GDAP1: variants seen among roughly 807,000 people sequenced by gnomAD.
GDAP1 encodes the protein ganglioside-induced differentiation-associated protein 1.
Under a neutral mutation model 40.1 loss-of-function variants are expected in GDAP1, and 34 were observed. The ratio of observed to expected loss-of-function variants is 0.85; its 90% CI spans 0.64 to 1.13. The LOEUF (loss-of-function observed/expected upper bound fraction) is 1.13, where lower values mean the gene tolerates loss of function less well. Among genes scored for constraint, GDAP1 ranks in the 50% most tolerant of loss-of-function variants. The probability of loss-of-function intolerance (pLI) is 0.00; values close to 1 mark genes in which losing one functional copy is unlikely to be tolerated. For synonymous variants in GDAP1, 170 were observed against 157.4 expected (o/e 1.08, Z -0.60); for missense variants, 374 against 433.7 (o/e 0.86, Z 1.22).
chr8:74,471,733 AC>A (rs1294950068), intron 2 of GDAP1, among the ~76,000 whole-genome samples: 4 of 152,098 alleles, frequency 2.6e-5, no homozygotes, highest in African/African-American at 9.7e-5. Context: ...CGGTCAGTTT[AC>A]ACTTTCTAGA....
chr8:74,482,919 G>A (rs1381827795), intron 2 of GDAP1, among the ~76,000 whole-genome samples: 1 of 152,214 alleles, frequency 6.6e-6, no homozygotes, highest in Non-Finnish European at 1.5e-5. Flanking sequence ...AGGCAGTACA[G>A]TGTAGGAGTT....
At position 74,385,998 on chromosome 8, in the gene GDAP1, G is replaced by T. The variant is rs147150849; in HGVS notation, c.165+34677G>T. ...GCATAAATGCCTTCTTTTGAGATCT[G>T]TCTGTTTCATATCCTTCACCCACTT... On this transcript the variant is annotated intron_variant, in intron 2 of 2. Coordinates refer to the GDAP1 transcript ENST00000523640. Among the ~76,000 whole-genome samples the T allele has an allele frequency of 5.9e-5, 9 of 152,218 alleles. No individual in the cohort carries two copies. The East Asian group carries it at 1.7e-3, about 29-fold the overall frequency.
intron 2 of GDAP1, among the ~76,000 whole-genome samples, chr8:74,379,686 C>T (rs924977912): frequency 6.6e-6 from 1 of 152,200 alleles, no homozygotes; most frequent in Admixed American, 6.5e-5. Context: ...TGCATCTTAA[C>T]ATAGCAGGGA....
At chr8:74,442,728 A>G (rs1420990848) in intron 2 of GDAP1, among the ~76,000 whole-genome samples, 1 of 152,210 alleles carries the variant, frequency 6.6e-6, no homozygotes, top group Non-Finnish European at 1.5e-5. Flanking sequence ...AAATGTAAAG[A>G]CTGAATATAT....
rs74419605 is a variant in GDAP1, at chr8:74,419,352, G to A, written c.165+68031G>A. Among the ~76,000 whole-genome samples, 840 of 152,280 alleles carry A rather than the reference G, an allele frequency of 5.5e-3. 9 individuals are homozygous for A. Among genetic ancestry groups the A allele is most frequent in the African/African-American group, 0.019 (781 of 41,568 alleles). On this transcript the variant is annotated intron_variant, in intron 2 of 2. Coordinates refer to the GDAP1 transcript ENST00000523640. Reference sequence around the variant, plus strand: ...ATAGTTCTGAACAATGAAAAAGAATGTCCTATTGATACATGCAACAACTTG... The same window carrying A: ...ATAGTTCTGAACAATGAAAAAGAATATCCTATTGATACATGCAACAACTTG...
At chr8:74,362,013 T>A in intron 4 of GDAP1, 35 bp downstream of exon 4, 1 of 1,024,966 alleles carries the variant, frequency 9.8e-7, no homozygotes. Flanking sequence ...TGACATACAC[T>A]GCACGGAGTA....
intron 2 of GDAP1, among the ~76,000 whole-genome samples, chr8:74,448,967 C>G (rs1806265403): frequency 6.6e-6 from 1 of 151,874 alleles, no homozygotes; most frequent in Admixed American, 6.6e-5. Context: ...GTATTGTTTT[C>G]CTCTAGAAGT....
At chr8:74,354,314 G>A (rs1328964835) in intron 2 of GDAP1, among the ~76,000 whole-genome samples, 1 of 152,104 alleles carries the variant, frequency 6.6e-6, no homozygotes, top group Non-Finnish European at 1.5e-5. Context: ...TTCTTAATAG[G>A]TGCTTAATAA....
chr8:74,400,423 T>C (rs758958775), intron 2 of GDAP1, among the ~76,000 whole-genome samples: 3 of 149,734 alleles, frequency 2.0e-5, no homozygotes, highest in East Asian at 1.9e-4. Context: ...TCCTCCATCC[T>C]TTTATTTTGA....
intron 2 of GDAP1, among the ~76,000 whole-genome samples, chr8:74,356,656 T>C (rs1809103562): frequency 8.0e-6 from 1 of 124,590 alleles, no homozygotes; most frequent in Non-Finnish European, 1.8e-5. Context: ...TTTAATATTA[T>C]TTAGTGTGTG....
intron 2 of GDAP1, among the ~76,000 whole-genome samples, chr8:74,450,504 T>A (rs1806288775): frequency 6.6e-6 from 1 of 151,946 alleles, no homozygotes; most frequent in South Asian, 2.1e-4. Context: ...TTTTATGGAT[T>A]TGAATGACTG....
chr8:74,405,946 G>A (rs531579316), intron 2 of GDAP1, among the ~76,000 whole-genome samples: 7 of 150,166 alleles, frequency 4.7e-5, no homozygotes, highest in East Asian at 1.9e-4. Context: ...ATAGATATCC[G>A]ATGAGACATT....
At chr8:74,413,284 G>A (rs576310681) in intron 2 of GDAP1, among the ~76,000 whole-genome samples, 6 of 149,562 alleles carry the variant, frequency 4.0e-5, no homozygotes, top group Admixed American at 3.3e-4. Flanking sequence ...AAGTAGAGTA[G>A]CAGGCAGATT....
intron 2 of GDAP1, among the ~76,000 whole-genome samples, chr8:74,356,497 T>A (rs1012234638): frequency 6.6e-6 from 1 of 152,030 alleles, no homozygotes; most frequent in Non-Finnish European, 1.5e-5. Context: ...ATGCATACAG[T>A]GAACTGATAT....
intron 2 of GDAP1, among the ~76,000 whole-genome samples, chr8:74,381,554 G>A (rs1809953760): frequency 1.3e-5 from 2 of 152,012 alleles, no homozygotes; most frequent in Non-Finnish European, 1.5e-5. Flanking sequence ...CCAGGAGTTC[G>A]AGACCAGCCT....
intron 2 of GDAP1, among the ~76,000 whole-genome samples, chr8:74,426,395 C>G (rs6472851): frequency 0.55 from 83,043 of 152,090 alleles, 23,901 homozygotes; most frequent in Non-Finnish European, 0.63. Context: ...TAAAAGTGGA[C>G]ATTCATTTGA....
intron 2 of GDAP1, among the ~76,000 whole-genome samples, chr8:74,441,348 G>GTCCA (rs1806160388): frequency 6.6e-6 from 1 of 152,082 alleles, no homozygotes; most frequent in East Asian, 1.9e-4. Flanking sequence ...TTTAAAAAGG[G>GTCCA]TGTACCATGG....
At position 74,364,563 on chromosome 8, in the gene GDAP1, C is replaced by T. The variant is rs758771523; in HGVS notation, c.*196C>T. 1.4e-6 allele frequency: 1 copy of T among 694,672 alleles called. No individual in the cohort carries two copies. The allele number at this position is 694,672 out of a possible 1,614,324, so 43.0% of individuals were successfully genotyped here. On this transcript the variant is annotated 3_prime_UTR_variant, in exon 6 of 6. Transcript: ENST00000220822. The stretch of plus-strand genomic sequence containing the variant: ...TTGCTTTATTCTACAACTGCCAGCT[C>T]CAGGCAGAAATAGGAAGGCAAAGAG...
At chr8:74,438,955 A>G (rs568172204) in intron 2 of GDAP1, among the ~76,000 whole-genome samples, 1 of 152,234 alleles carries the variant, frequency 6.6e-6, no homozygotes, top group Non-Finnish European at 1.5e-5. Context: ...TAATCTGGAT[A>G]GTATATACGT....
Sources: allele counts gnomAD v4.1 joint callset (sites outside exome capture counted in the v4.1 genomes callset), GRCh38; gene constraint gnomAD v4.1.1; transcripts MANE v1.5; gene names NCBI Gene and HGNC (gene_info 2026-07-23, HGNC 2026-07-21).